Variants in PCDHGA8 observed in about 807,000 individuals in gnomAD.
PCDHGA8 encodes protocadherin gamma subfamily A, 8, also known as protocadherin gamma-A8.
PCDHGA8 carries 45 observed loss-of-function variants against 59.2 expected under a neutral mutation model. That is an observed-to-expected ratio of 0.76 (90% CI 0.60 to 0.98). The LOEUF (loss-of-function observed/expected upper bound fraction) is 0.98. PCDHGA8 is among the 50% of genes least tolerant of loss of function. The pLI, the probability that PCDHGA8 is intolerant of heterozygous loss-of-function variation, is 0.00. For synonymous variants in PCDHGA8, 531 were observed against 519.0 expected, an observed-to-expected ratio of 1.02 and a Z score of -0.32; for missense variants, 1,257 against 1,196.2, an observed-to-expected ratio of 1.05 and a Z score of -0.75.
chr5:141,403,666 T>C (rs2094439937), intron 1 of PCDHGA8: 1 of 1,613,926 alleles, frequency 6.2e-7, no homozygotes, highest in Non-Finnish European at 8.5e-7. Context: ...CAAATGATAA[T>C]GCCCCGGTTT....
intron 1 of PCDHGA8, chr5:141,416,205 A>T (rs1239154825): frequency 1.3e-5 from 2 of 152,458 alleles, no homozygotes; most frequent in Non-Finnish European, 2.9e-5. Context: ...CAATTTATTT[A>T]TAACAATGTA....
intron 1 of PCDHGA8, among the ~76,000 whole-genome samples, chr5:141,473,736 G>A (rs1278322296): frequency 1.3e-5 from 2 of 152,202 alleles, no homozygotes; most frequent in Non-Finnish European, 2.9e-5. Flanking sequence ...AGAGGGAGAA[G>A]ACATGAGAAC....
At chr5:141,398,121 A>C (rs554777335) in intron 1 of PCDHGA8, 28 of 1,590,306 alleles carry the variant, frequency 1.8e-5, no homozygotes, top group Admixed American at 3.6e-5. Context: ...TGAGGAGAGC[A>C]AGAGGGATGG....
At position 141,476,851 on chromosome 5, in the gene PCDHGA8, C is replaced by T; in HGVS notation, c.2425-17956C>T. ...CGAATGACAATGCGCCTGTCTTCAA[C>T]CAGTCCTTGTACCGGGCGCGCGTCC... On this transcript the variant is annotated intron_variant, in intron 1 of 3. Transcript: ENST00000398604. This position sits in a 1 kb window ranked among gnomAD's most constrained non-coding sequence, Gnocchi z 7.6. The T allele has an allele frequency of 6.2e-7, 1 of 1,613,836 alleles. No individual in the cohort carries two copies. Among genetic ancestry groups the T allele is most frequent in the Non-Finnish European group, 8.5e-7 (1 of 1,180,046 alleles).
intron 1 of PCDHGA8, chr5:141,403,027 G>A: frequency 6.2e-7 from 1 of 1,614,070 alleles, no homozygotes; most frequent in East Asian, 2.2e-5. Context: ...TGCTATGGGA[G>A]GCCAGGGCCA....
chr5:141,439,333 G>A (rs964224344), intron 1 of PCDHGA8, among the ~76,000 whole-genome samples: 1 of 152,154 alleles, frequency 6.6e-6, no homozygotes, highest in Non-Finnish European at 1.5e-5. Flanking sequence ...TGGAAAGAAA[G>A]ATTCTAAGCC....
chr5:141,423,573 C>G, intron 1 of PCDHGA8: 1 of 1,613,488 alleles, frequency 6.2e-7, no homozygotes, highest in South Asian at 1.1e-5. Context: ...CGCTCATCAG[C>G]CAGGAGAGCT....
chr5:141,493,052 T>G lies in PCDHGA8; in HGVS notation c.2425-1755T>G, dbSNP rs1362566525. 6.6e-6 allele frequency among the ~76,000 whole-genome samples: 1 copy of G among 152,104 alleles called. No individual in the cohort carries two copies. The highest frequency in any genetic ancestry group is 2.4e-5 in the African/African-American group (1 of 41,416). Reference sequence around the variant, plus strand: ...CTTATGTGTGAGGAAACTACAATAGTAAAAAACACAAGTTTCTCCAACTCC... The same window carrying G: ...CTTATGTGTGAGGAAACTACAATAGGAAAAAACACAAGTTTCTCCAACTCC... On this transcript the variant is annotated intron_variant, in intron 1 of 3. Coordinates refer to ENST00000398604, the MANE Select transcript of PCDHGA8 (RefSeq NM_032088.2). This position sits in a 1 kb window ranked among gnomAD's most constrained non-coding sequence, Gnocchi z 4.3.
At chr5:141,459,686 C>T (rs79275885) in intron 1 of PCDHGA8, among the ~76,000 whole-genome samples, 5,534 of 152,296 alleles carry the variant, frequency 0.036, 130 homozygotes, top group South Asian at 0.077. Flanking sequence ...ATGCATAAAG[C>T]GTTCCGCTTG....
At chr5:141,475,217 A>G (rs1053906682) in intron 1 of PCDHGA8, among the ~76,000 whole-genome samples, 4 of 152,196 alleles carry the variant, frequency 2.6e-5, no homozygotes, top group Non-Finnish European at 5.9e-5. Flanking sequence ...AGGATTGATC[A>G]AGTAAAGGGA....
intron 1 of PCDHGA8, chr5:141,412,334 T>C (rs371361193): frequency 2.0e-5 from 3 of 152,262 alleles, no homozygotes; most frequent in Admixed American, 1.3e-4. Flanking sequence ...GCAACTGTAA[T>C]ATATGTTCAT....
At chr5:141,473,801 T>C (rs1593456345) in intron 1 of PCDHGA8, among the ~76,000 whole-genome samples, 1 of 152,226 alleles carries the variant, frequency 6.6e-6, no homozygotes, top group East Asian at 1.9e-4. Flanking sequence ...ATGATGCTAC[T>C]GAGGAGCAGC....
rs777535962 is a variant in PCDHGA8, at chr5:141,431,195, G to T, written c.2424+35958G>T. The T allele has an allele frequency of 1.2e-6, 2 of 1,614,166 alleles. No homozygotes were observed. Among genetic ancestry groups the T allele is most frequent in the East Asian group, 2.2e-5 (1 of 44,890 alleles). On this transcript the variant is annotated intron_variant, in intron 1 of 3. Transcript: ENST00000398604. The surrounding 1 kb of genome is among the most constrained non-coding windows in gnomAD (Gnocchi z 4.8). ...ATTAGAAATAAAAATTAGTGAAAAT[G>T]CAGCCACTGAGATGCGGTTCCCTCT... is the stretch of plus-strand genomic sequence containing the variant.
chr5:141,409,734 G>C (rs1278458472), intron 1 of PCDHGA8: 2 of 1,613,144 alleles, frequency 1.2e-6, no homozygotes, highest in Admixed American at 3.3e-5. Flanking sequence ...AGCGCGCAGA[G>C]CGGGGTGGTG....
intron 1 of PCDHGA8, chr5:141,421,414 C>A (rs2096570568): frequency 1.9e-6 from 3 of 1,614,066 alleles, no homozygotes; most frequent in South Asian, 2.2e-5. Flanking sequence ...GCTGGCGAAG[C>A]GCGGAGTCCG....
chr5:141,432,071 AT>A lies in PCDHGA8; in HGVS notation c.2424+36835del. 1 of 1,614,158 alleles carries A rather than the reference AT, an allele frequency of 6.2e-7. No individual in the cohort carries two copies. Among genetic ancestry groups the A allele is most frequent in the Non-Finnish European group, 8.5e-7 (1 of 1,180,032 alleles). ...CCCGCCCCTATCCACGGAAACTCAT[AT>A]CTCGCTGAACGTGGCAGACACCAAC... On this transcript the variant is annotated intron_variant, in intron 1 of 3. Transcript: ENST00000398604. The surrounding 1 kb of genome is among the most constrained non-coding windows in gnomAD (Gnocchi z 6.0).
In PCDHGA8 at chr5:141,422,240, T is replaced by C. The variant is rs1472994337; in HGVS notation, c.2424+27003T>C. ...ACCACCACGACGATGTTGATCACTG[T>C]TGTGGATGTGAATGATAACGCTCCA... On this transcript the variant is annotated intron_variant, in intron 1 of 3. Coordinates refer to ENST00000398604, the MANE Select transcript of PCDHGA8 (RefSeq NM_032088.2). 1.3e-6 allele frequency: 2 copies of C among 1,566,716 alleles called. No individual in the cohort carries two copies. The highest frequency in any genetic ancestry group is 1.2e-5 in the South Asian group (1 of 81,384).
At chr5:141,479,620 G>A (rs2099501211) in intron 1 of PCDHGA8, 2 of 152,192 alleles carry the variant, frequency 1.3e-5, no homozygotes, top group African/African-American at 4.8e-5. Context: ...GGGAAACCAT[G>A]TCTCTTTAAC....
At chr5:141,397,614 A>ACTAGAACT (rs2150713337) in intron 1 of PCDHGA8, among the ~76,000 whole-genome samples, 1 of 152,358 alleles carries the variant, frequency 6.6e-6, no homozygotes, top group African/African-American at 2.4e-5. Context: ...CAAGGGCAAT[A>ACTAGAACT]CTTAGTTCTA....
Sources: gnomAD v4.1 joint callset for allele counts (sites outside exome capture counted in the v4.1 genomes callset) on GRCh38, gnomAD v4.1.1 for gene constraint, Gnocchi (gnomAD v3.1) non-coding constraint, MANE v1.5 for transcripts, NCBI Gene and HGNC (gene_info 2026-07-23, HGNC 2026-07-21) for gene names.